VPS50: variants seen among roughly 807,000 people sequenced by gnomAD.
VPS50 encodes syndetin.
In VPS50, 70 loss-of-function variants were observed where a neutral mutation model predicts 139.7. That is an observed-to-expected ratio of 0.50 (90% confidence interval 0.41 to 0.61). The LOEUF (loss-of-function observed/expected upper bound fraction) is 0.61, where lower values mean the gene tolerates loss of function less well. Among genes scored for constraint, VPS50 ranks in the 20% least tolerant of loss-of-function variants. VPS50 has a pLI of 0.00. For missense variants in VPS50, 921 were observed against 1,133.7 expected, an observed-to-expected ratio of 0.81 and a Z score of 2.69; for synonymous variants, 365 against 376.7, an observed-to-expected ratio of 0.97 and a Z score of 0.36.
chr7:93,261,677 CA>C (rs71107890), intron 9 of VPS50, among the ~76,000 whole-genome samples: 4,709 of 62,116 alleles, frequency 0.076, 35 homozygotes, highest in East Asian at 0.19. Context: ...GACTCCGTCT[CA>C]AAAAAAAAAA....
In VPS50 at chr7:93,276,200, A is replaced by T; in HGVS notation, c.837A>T (p.Gln279His). Residue 279 changes from glutamine to histidine, a missense_variant, in exon 12 of 28, where the codon CAA becomes CAT. Gln to His is a conservative substitution (Grantham distance 24). Coordinates refer to ENST00000305866, the MANE Select transcript of VPS50 (RefSeq NM_017667.4). ...AMDQLHMHFTQAIHNTVFQVV... is the reference protein window; with the variant it reads ...AMDQLHMHFTHAIHNTVFQVV... ...ATCAACTTCATATGCACTTCACCCA[A>T]GCCATTCACAACACCGTGTTTCAAG... 1 of 1,613,464 alleles carries T rather than the reference A, an allele frequency of 6.2e-7. No individual in the cohort carries two copies. Among genetic ancestry groups the T allele is most frequent in the Non-Finnish European group, 8.5e-7 (1 of 1,179,626 alleles).
chr7:93,276,603 C>T (rs1412282033), intron 12 of VPS50, among the ~76,000 whole-genome samples: 1 of 152,140 alleles, frequency 6.6e-6, no homozygotes, highest in East Asian at 1.9e-4. Flanking sequence ...TGAATGCATC[C>T]AGTAGGCTTC....
chr7:93,332,206 T>G (rs1222446379), intron 21 of VPS50, among the ~76,000 whole-genome samples: 1 of 152,218 alleles, frequency 6.6e-6, no homozygotes, highest in African/African-American at 2.4e-5. Context: ...GGTGGCCAAT[T>G]CATTTTCTGA....
intron 20 of VPS50, among the ~76,000 whole-genome samples, chr7:93,314,058 C>T (rs1797350165): frequency 6.6e-6 from 1 of 152,106 alleles, no homozygotes; most frequent in South Asian, 2.1e-4. Flanking sequence ...TTTAAGGAAG[C>T]CACTGTCTCA....
chr7:93,357,223 A>C lies in VPS50; in HGVS notation c.2776-1094A>C, dbSNP rs568930266. 1.5e-4 allele frequency among the ~76,000 whole-genome samples: 23 copies of C among 152,324 alleles called. No homozygotes were observed. In the South Asian group the frequency reaches 2.9e-3, roughly 19 times the overall value. ...TTTGGGAAAGAATACAAAGTAGCCA[A>C]GGAGGAAAGGCACAGCTCTATTCGA... On this transcript the variant is annotated intron_variant, in intron 27 of 27. Coordinates refer to ENST00000305866, the MANE Select transcript of VPS50 (RefSeq NM_017667.4).
intron 22 of VPS50, chr7:93,340,875 C>T (rs868029980): frequency 6.6e-6 from 1 of 152,652 alleles, no homozygotes; most frequent in Admixed American, 6.5e-5. Context: ...TCCTGGGTAT[C>T]CCTTTCCTTT....
chr7:93,300,616 T>C (rs888470000), intron 16 of VPS50, among the ~76,000 whole-genome samples: 5 of 152,124 alleles, frequency 3.3e-5, no homozygotes, highest in African/African-American at 1.2e-4. Flanking sequence ...ATTACTTTAA[T>C]AGAGAAAATA....
chr7:93,343,136 A>C (rs1445097530), intron 23 of VPS50, among the ~76,000 whole-genome samples: 3 of 152,224 alleles, frequency 2.0e-5, no homozygotes, highest in African/African-American at 7.2e-5. Context: ...AGAAGTGCTT[A>C]AAGGAGCTGA....
chr7:93,324,563 G>C (rs902418994), intron 21 of VPS50, among the ~76,000 whole-genome samples: 1 of 152,052 alleles, frequency 6.6e-6, no homozygotes, highest in Non-Finnish European at 1.5e-5. Context: ...TTTGTCTTTG[G>C]TTCTGTTTAT....
intron 21 of VPS50, among the ~76,000 whole-genome samples, chr7:93,324,523 T>C (rs540011963): frequency 6.6e-6 from 1 of 152,360 alleles, no homozygotes; most frequent in East Asian, 1.9e-4. Context: ...GTCAAAGGCC[T>C]TTTCTGCATC....
intron 21 of VPS50, among the ~76,000 whole-genome samples, chr7:93,324,610 C>G (rs1258488634): frequency 1.3e-5 from 2 of 152,010 alleles, no homozygotes; most frequent in Non-Finnish European, 2.9e-5. Flanking sequence ...GTATATTGAA[C>G]CAGCCTTGCA....
At chr7:93,342,979 C>G (rs371215349) in intron 23 of VPS50, among the ~76,000 whole-genome samples, 1 of 152,174 alleles carries the variant, frequency 6.6e-6, no homozygotes, top group Non-Finnish European at 1.5e-5. Flanking sequence ...CAAAGCTGGA[C>G]GGAGAATGAC....
chr7:93,352,206 G>A (rs1368120841), intron 25 of VPS50, among the ~76,000 whole-genome samples: 3 of 151,954 alleles, frequency 2.0e-5, no homozygotes, highest in Admixed American at 2.0e-4. Context: ...GAAAAATATT[G>A]AATTATGACT....
intron 23 of VPS50, among the ~76,000 whole-genome samples, chr7:93,343,429 A>T (rs1047942937): frequency 6.6e-6 from 1 of 152,218 alleles, no homozygotes; most frequent in African/African-American, 2.4e-5. Context: ...ATCCAGGAGA[A>T]CTTCCCCAAT....
At chr7:93,318,308 T>A (rs1367248931) in intron 20 of VPS50, among the ~76,000 whole-genome samples, 1 of 152,262 alleles carries the variant, frequency 6.6e-6, no homozygotes, top group Middle Eastern at 3.4e-3. Context: ...AGATATAATA[T>A]TTAAAAAATA....
chr7:93,266,688 C>T (rs1795852870), intron 9 of VPS50, among the ~76,000 whole-genome samples: 1 of 152,080 alleles, frequency 6.6e-6, no homozygotes, highest in African/African-American at 2.4e-5. Flanking sequence ...ATTTCTTGAC[C>T]ATAATGTTGC....
At chr7:93,264,438 TA>T (rs1337826084) in intron 9 of VPS50, among the ~76,000 whole-genome samples, 2 of 152,254 alleles carry the variant, frequency 1.3e-5, no homozygotes, top group Admixed American at 1.3e-4. Context: ...AAGTTAATTT[TA>T]AAAGTCAAAA....
intron 23 of VPS50, 28 bp downstream of exon 23, chr7:93,341,603 CA>C (rs774138561): frequency 6.6e-7 from 1 of 1,518,664 alleles, no homozygotes; most frequent in South Asian, 1.2e-5. Context: ...GTTGCGTTGC[CA>C]TTAAATATTT....
chr7:93,283,629 T>G lies in VPS50; in HGVS notation c.942+7324T>G. Among the ~76,000 whole-genome samples, 2 of 152,154 alleles carry G rather than the reference T, an allele frequency of 1.3e-5. 1 individual carries two copies. On this transcript the variant is annotated intron_variant, in intron 12 of 27. Coordinates refer to ENST00000305866, the MANE Select transcript of VPS50 (RefSeq NM_017667.4). ...TAAGACTTTAAAGTAATAATCTAGT[T>G]AAGGTCACATTAATTATGATCAGAG...
Sources: gnomAD v4.1 joint callset for allele counts (sites outside exome capture counted in the v4.1 genomes callset) on GRCh38, gnomAD v4.1.1 for gene constraint, MANE v1.5 for transcripts, NCBI Gene and HGNC (gene_info 2026-07-23, HGNC 2026-07-21) for gene names.